The following PKHD1L1 variants were observed in gnomAD, a reference collection of about 807,000 sequenced individuals.
PKHD1L1 encodes PKHD1 like 1, also known as fibrocystin-L.
A neutral mutation model predicts 462.9 loss-of-function variants in PKHD1L1; 434 were observed. The ratio of observed to expected loss-of-function variants is 0.94; its 90% CI spans 0.87 to 1.02. The LOEUF is 1.02. PKHD1L1 is among the 50% of genes least tolerant of loss of function. The probability of loss-of-function intolerance (pLI) is 0.00; values close to 1 mark genes in which losing one functional copy is unlikely to be tolerated. For missense variants in PKHD1L1, 5,202 were observed against 5,096.1 expected, an observed-to-expected ratio of 1.02 and a Z score of -0.63; for synonymous variants, 1,781 against 1,750.0, an observed-to-expected ratio of 1.02 and a Z score of -0.44.
intron 50 of PKHD1L1, among the ~76,000 whole-genome samples, chr8:109,472,058 A>G (rs1424693876): frequency 1.3e-5 from 2 of 149,692 alleles, no homozygotes; most frequent in Non-Finnish European, 3.0e-5. Flanking sequence ...TTATTATAAA[A>G]TGCTCCTAGA....
intron 68 of PKHD1L1, among the ~76,000 whole-genome samples, chr8:109,504,780 AGT>A (rs1034076222): frequency 3.9e-5 from 6 of 152,112 alleles, no homozygotes; most frequent in African/African-American, 1.4e-4. Context: ...TGGGGTCTGA[AGT>A]GTGTTATACA....
intron 27 of PKHD1L1, among the ~76,000 whole-genome samples, chr8:109,430,359 T>G (rs1815028762): frequency 6.6e-6 from 1 of 152,206 alleles, no homozygotes. Flanking sequence ...GAACTTTTAT[T>G]CAACTGTACC....
rs544422788 is a variant in PKHD1L1 at position 109,464,235 on chromosome 8, C to T, written c.7403C>T (p.Ala2468Val). 1.9e-6 allele frequency: 3 copies of T among 1,599,216 alleles called. No individual in the cohort carries two copies. The African/African-American group carries it at 4.0e-5, about 21-fold the overall frequency. Residue 2468 changes from alanine to valine, a missense_variant, in exon 49 of 78, where the codon GCT (alanine) becomes GTT (valine). By Grantham distance (64) the Ala-to-Val change is moderately conservative (BLOSUM62 0). Transcript: ENST00000378402. The part of the protein sequence containing the change: ...EYVEVFHAGQ[A>V]FRLGRYPIHW... ...TAACAGGTATTCCATGCTGGCCAGG[C>T]TTTCCGGTTGGGGCGATATCCAATA...
rs1818178285 is a variant in PKHD1L1 at position 109,479,739 on chromosome 8, G to A, written c.9178+100G>A. 3 of 919,792 alleles carry A rather than the reference G, an allele frequency of 3.3e-6. No individual in the cohort carries two copies. In the Admixed American group the frequency reaches 8.1e-5, roughly 25 times the overall value. The allele number at this position is 919,792 out of a possible 1,614,324, so 57.0% of individuals were successfully genotyped here. ...GTTTTATCAGCACACCTTTCCAAAA[G>A]AGCAAGTGTGGAGAAGTGGACTCTA... On this transcript the variant is annotated intron_variant, in intron 54 of 77. Transcript: ENST00000378402.
Position 109,515,278 on chromosome 8 carries a change from T to C in PKHD1L1, c.11662T>C (p.Cys3888Arg). ...TTIWNAQQKH[C>R]ELNNHLYKDQ... ...AATATGGAATGCCCAGCAGAAACAC[T>C]GTGAACTTAATAACCATCTGTACAA... Residue 3888 changes from cysteine (C) to arginine (R), a missense_variant, in exon 72 of 78, where the codon TGT becomes CGT. Coordinates refer to ENST00000378402, the MANE Select transcript of PKHD1L1 (RefSeq NM_177531.6). 1 of 1,600,152 alleles carries C rather than the reference T, an allele frequency of 6.2e-7. No homozygotes were observed. Among genetic ancestry groups the C allele is most frequent in the Middle Eastern group, 1.7e-4 (1 of 6,022 alleles).
intron 17 of PKHD1L1, among the ~76,000 whole-genome samples, chr8:109,407,063 A>T (rs1226459363): frequency 6.6e-6 from 1 of 152,186 alleles, no homozygotes; most frequent in Non-Finnish European, 1.5e-5. Context: ...GGAAATATTG[A>T]CATAGACATT....
At chr8:109,399,397 T>C (rs1813135406) in intron 12 of PKHD1L1, among the ~76,000 whole-genome samples, 1 of 151,954 alleles carries the variant, frequency 6.6e-6, no homozygotes, top group South Asian at 2.1e-4. Flanking sequence ...GAAGTAAGCC[T>C]AATTGTTGTT....
intron 22 of PKHD1L1, among the ~76,000 whole-genome samples, chr8:109,419,710 G>A (rs943759078): frequency 6.6e-6 from 1 of 152,020 alleles, no homozygotes. Context: ...TTTCAATAGT[G>A]TTAGCATTGT....
intron 71 of PKHD1L1, among the ~76,000 whole-genome samples, chr8:109,514,645 GT>G: frequency 6.6e-6 from 1 of 152,210 alleles, no homozygotes; most frequent in East Asian, 1.9e-4. Flanking sequence ...GGAAAAGCCA[GT>G]CTCTTTATGA....
rs1182924603 is a variant in PKHD1L1 at position 109,475,234 on chromosome 8, A to G, written c.8722A>G (p.Asn2908Asp). 3 of 1,610,270 alleles carry G rather than the reference A, an allele frequency of 1.9e-6. No individual in the cohort carries two copies. Among genetic ancestry groups the G allele is most frequent in the Non-Finnish European group, 2.5e-6 (3 of 1,177,714 alleles). Residue 2908 changes from asparagine (N) to aspartate (D), a missense_variant, in exon 51 of 78, where the codon AAC (asparagine) becomes GAC (aspartate). Around this residue, in one of 3 missense-constraint regions of PKHD1L1, gnomAD observed 4,497 missense variants for 4,336.8 expected, o/e 1.04. Coordinates refer to ENST00000378402, the MANE Select transcript of PKHD1L1 (RefSeq NM_177531.6). Reference protein sequence around the residue: ...WYFKGVDHITNISYTSTFYGF... With the variant: ...WYFKGVDHITDISYTSTFYGF... ...TTTTAAAGGTGTGGATCACATAACCAACATTTCATATACATCGACATTCTA... is the reference window on the plus strand; with the variant it reads ...TTTTAAAGGTGTGGATCACATAACCGACATTTCATATACATCGACATTCTA...
intron 67 of PKHD1L1, among the ~76,000 whole-genome samples, chr8:109,502,752 G>A (rs1819489188): frequency 6.6e-6 from 1 of 152,208 alleles, no homozygotes; most frequent in South Asian, 2.1e-4. Flanking sequence ...CAGGAGAAAG[G>A]GAGTGAAAGA....
chr8:109,528,511 A>G (rs1586673815), intron 77 of PKHD1L1, among the ~76,000 whole-genome samples: 1 of 152,182 alleles, frequency 6.6e-6, no homozygotes, highest in South Asian at 2.1e-4. Flanking sequence ...AATTCTCTCC[A>G]CCCTACATAT....
intron 71 of PKHD1L1, 133 bp downstream of exon 71, chr8:109,511,067 C>A: frequency 9.9e-7 from 1 of 1,014,000 alleles, no homozygotes; most frequent in South Asian, 1.7e-5. Context: ...CATCAGGGTA[C>A]CACTGAAATT....
intron 37 of PKHD1L1, 140 bp downstream of exon 37, chr8:109,444,042 A>G: frequency 1.3e-6 from 1 of 754,892 alleles, no homozygotes; most frequent in East Asian, 2.8e-5. Flanking sequence ...TAAAGTGTAC[A>G]ATTCATAAAC....
At chr8:109,493,340 A>G (rs996403775) in intron 62 of PKHD1L1, among the ~76,000 whole-genome samples, 38 of 151,280 alleles carry the variant, frequency 2.5e-4, no homozygotes, top group African/African-American at 9.2e-4. Flanking sequence ...TTCTTGTAAT[A>G]CTGGAATTTG....
At chr8:109,513,270 G>A (rs968328758) in intron 71 of PKHD1L1, among the ~76,000 whole-genome samples, 6 of 151,954 alleles carry the variant, frequency 3.9e-5, no homozygotes, top group African/African-American at 1.5e-4. Flanking sequence ...TCCCTGTCTT[G>A]TGCCAGTTTT....
chr8:109,486,847 C>G (rs1818553905), intron 59 of PKHD1L1, 26 bp downstream of exon 59: 1 of 1,590,972 alleles, frequency 6.3e-7, no homozygotes, highest in African/African-American at 1.3e-5. Context: ...GTTTATTTTT[C>G]TAAATGAGCT....
chr8:109,418,612 C>G (rs545912097), intron 21 of PKHD1L1, among the ~76,000 whole-genome samples: 20 of 152,238 alleles, frequency 1.3e-4, no homozygotes, highest in Non-Finnish European at 2.5e-4. Flanking sequence ...CTACAAATAA[C>G]ACCCTTCTAG....
At chr8:109,485,472 A>C (rs1818480236) in intron 58 of PKHD1L1, among the ~76,000 whole-genome samples, 1 of 151,994 alleles carries the variant, frequency 6.6e-6, no homozygotes, top group African/African-American at 2.4e-5. Context: ...GTGCACGCTG[A>C]AATTTGAGGA....
Sources: allele counts gnomAD v4.1 joint callset (sites outside exome capture counted in the v4.1 genomes callset), GRCh38; gene constraint gnomAD v4.1.1; regional missense constraint gnomAD v4.1.1; transcripts MANE v1.5; gene names NCBI Gene and HGNC (gene_info 2026-07-23, HGNC 2026-07-21).